The following SRPK2 variants were observed in gnomAD, a reference collection of about 807,000 sequenced individuals.
SRPK2 encodes SRSF protein kinase 2, also known as SFRS protein kinase 2.
SRPK2 carries 21 observed loss-of-function variants against 90.8 expected under a neutral mutation model. The observed-to-expected ratio is 0.23, with a 90% confidence interval of 0.16 to 0.33. The LOEUF (loss-of-function observed/expected upper bound fraction) is 0.33, where lower values mean the gene tolerates loss of function less well. SRPK2 is among the 10% of genes least tolerant of loss of function. The pLI, the probability that SRPK2 is intolerant of heterozygous loss-of-function variation, is 1.00. For missense variants in SRPK2, 620 were observed against 869.0 expected (o/e 0.71, Z 3.60); for synonymous variants, 288 against 311.1 (o/e 0.93, Z 0.78).
At chr7:105,181,880 G>GAAAAAAAA (rs1792867776) in intron 3 of SRPK2, among the ~76,000 whole-genome samples, 1 of 67,526 alleles carries the variant, frequency 1.5e-5, no homozygotes, top group Non-Finnish European at 3.7e-5. Flanking sequence ...TAAGATAAAA[G>GAAAAAAAA]TAAAAAAAAA....
At chr7:105,380,302 C>T (rs1745378672) in intron 2 of SRPK2, among the ~76,000 whole-genome samples, 1 of 151,710 alleles carries the variant, frequency 6.6e-6, no homozygotes, top group Non-Finnish European at 1.5e-5. Context: ...CAGCTAATTT[C>T]TGTATTTTTA....
intron 2 of SRPK2, chr7:105,306,673 A>G (rs956265645): frequency 2.9e-6 from 1 of 345,470 alleles, no homozygotes; most frequent in African/African-American, 2.2e-5. Flanking sequence ...TTTAACCGAA[A>G]CACTCATTTA....
intron 2 of SRPK2, among the ~76,000 whole-genome samples, chr7:105,293,152 G>A (rs1196977406): frequency 6.6e-6 from 1 of 152,004 alleles, no homozygotes; most frequent in African/African-American, 2.4e-5. Flanking sequence ...ACAAAAATTG[G>A]CCGGGCATGG....
chr7:105,320,087 T>C (rs1812776527), intron 2 of SRPK2, among the ~76,000 whole-genome samples: 1 of 152,198 alleles, frequency 6.6e-6, no homozygotes, highest in Non-Finnish European at 1.5e-5. Context: ...CTTCACACAG[T>C]TACATTTTCT....
At chr7:105,368,627 G>A (rs1407820640) in intron 2 of SRPK2, among the ~76,000 whole-genome samples, 1 of 152,162 alleles carries the variant, frequency 6.6e-6, no homozygotes, top group Non-Finnish European at 1.5e-5. Flanking sequence ...GCTCAAGCCT[G>A]TAATCCCAGC....
rs367802888 is a variant in SRPK2 at position 105,229,659 on chromosome 7, T to A, written c.72-25874A>T. Among the ~76,000 whole-genome samples the A allele has an allele frequency of 8.5e-5, 13 of 152,290 alleles. No individual in the cohort carries two copies. The East Asian group carries it at 2.5e-3, about 29-fold the overall frequency. ...CTAGAGTCAGGTTACAGGACTATCA[T>A]AGAGTAGGAATAAGTCTTGGTTAGA... On this transcript the variant is annotated intron_variant, in intron 2 of 15. Coordinates refer to ENST00000393651, the MANE Select transcript of SRPK2 (RefSeq NM_182692.3).
rs1456563246 is a variant in SRPK2, at chr7:105,171,692, T to C, written c.230-2427A>G. 2.0e-5 allele frequency among the ~76,000 whole-genome samples: 3 copies of C among 152,236 alleles called. No individual in the cohort carries two copies. In the East Asian group the frequency reaches 5.8e-4, roughly 29 times the overall value. On this transcript the variant is annotated intron_variant, in intron 3 of 15. Coordinates refer to ENST00000393651, the MANE Select transcript of SRPK2 (RefSeq NM_182692.3). ...CCAGATACTGAGTTCGTGAGATTCT[T>C]ACCCTTCTACTGCCTCTGCACTTGC... is the stretch of plus-strand genomic sequence containing the variant.
chr7:105,378,371 A>C (rs1304146754), intron 2 of SRPK2, among the ~76,000 whole-genome samples: 1 of 152,214 alleles, frequency 6.6e-6, no homozygotes, highest in Non-Finnish European at 1.5e-5. Context: ...ATAAATCAGT[A>C]AGAAAAACTT....
intron 2 of SRPK2, among the ~76,000 whole-genome samples, chr7:105,320,192 C>T (rs1812787751): frequency 6.6e-6 from 1 of 152,136 alleles, no homozygotes; most frequent in Non-Finnish European, 1.5e-5. Flanking sequence ...GACACATACA[C>T]ACATTCTGTT....
chr7:105,323,967 T>TTGTG (rs58288208), intron 2 of SRPK2, among the ~76,000 whole-genome samples: 8,383 of 133,532 alleles, frequency 0.063, 270 homozygotes, highest in Non-Finnish European at 0.071. Context: ...AGACTATTCT[T>TTGTG]TGTGTGTGTG....
intron 2 of SRPK2, among the ~76,000 whole-genome samples, chr7:105,267,016 T>C (rs1040863611): frequency 6.6e-6 from 1 of 152,150 alleles, no homozygotes; most frequent in African/African-American, 2.4e-5. Context: ...ATAATGGCCA[T>C]GAAATAATAA....
Position 105,350,352 on chromosome 7 carries a change from G to T in SRPK2, c.71+38296C>A, listed in dbSNP as rs557482861. On this transcript the variant is annotated intron_variant, in intron 2 of 15. Transcript: ENST00000393651. ...TCACCATGTTGGCCAGGATGTTCTC[G>T]ATCTCCTGAACTCGCATCCACCCAC... Among the ~76,000 whole-genome samples the T allele has an allele frequency of 2.2e-3, 337 of 150,304 alleles. 3 individuals are homozygous for T. The highest frequency in any genetic ancestry group is 3.4e-3 in the Non-Finnish European group (233 of 67,630).
intron 2 of SRPK2, among the ~76,000 whole-genome samples, chr7:105,369,251 A>G (rs535414382): frequency 1.3e-5 from 2 of 151,992 alleles, no homozygotes; most frequent in East Asian, 3.9e-4. Flanking sequence ...GGTTCAAGCA[A>G]TTCTCCTGCC....
In SRPK2 at chr7:105,127,051, C is replaced by T. The variant is rs1207016678; in HGVS notation, c.1764G>A (p.Leu588=). 6.2e-7 allele frequency: 1 copy of T among 1,614,130 alleles called. No homozygotes were observed. The highest frequency in any genetic ancestry group is 1.3e-5 in the African/African-American group (1 of 75,016). Residue 588 remains leucine, a synonymous_variant, in exon 14 of 16, where the codon CTG becomes CTA. Coordinates refer to ENST00000393651, the MANE Select transcript of SRPK2 (RefSeq NM_182692.3). The part of the protein sequence containing the change: ...IWSTACMAFE[L]ATGDYLFEPH... The stretch of plus-strand genomic sequence containing the variant: ...GTTCAAACAAATAATCTCCCGTTGC[C>T]AGCTCAAATGCCTAGGATACAACAG...
At chr7:105,324,899 A>C (rs1354030125) in intron 2 of SRPK2, among the ~76,000 whole-genome samples, 1 of 152,188 alleles carries the variant, frequency 6.6e-6, no homozygotes, top group Non-Finnish European at 1.5e-5. Flanking sequence ...AATAAAAATT[A>C]AAATTAAAAA....
chr7:105,131,632 A>T (rs566832007), intron 13 of SRPK2, among the ~76,000 whole-genome samples: 59 of 152,312 alleles, frequency 3.9e-4, no homozygotes, highest in African/African-American at 1.4e-3. Context: ...TTCTCCTATC[A>T]GCTGGCACTA....
At chr7:105,312,210 G>A (rs144082901) in intron 2 of SRPK2, among the ~76,000 whole-genome samples, 5,704 of 152,312 alleles carry the variant, frequency 0.037, 147 homozygotes, top group Non-Finnish European at 0.056. Context: ...GGGAGGCCAA[G>A]GTGGGGGGAT....
chr7:105,255,171 G>C (rs1316326419), intron 2 of SRPK2, among the ~76,000 whole-genome samples: 4 of 97,274 alleles, frequency 4.1e-5, no homozygotes, highest in Admixed American at 1.1e-4. Context: ...AATTAAGTTA[G>C]AGGAAAAGGT....
chr7:105,275,735 G>A (rs1806399053), intron 2 of SRPK2, among the ~76,000 whole-genome samples: 1 of 152,084 alleles, frequency 6.6e-6, no homozygotes, highest in East Asian at 1.9e-4. Flanking sequence ...ATGGGGTGGT[G>A]CTTCAAAGAT....
Sources: gnomAD v4.1 joint callset for allele counts (sites outside exome capture counted in the v4.1 genomes callset) on GRCh38, gnomAD v4.1.1 for gene constraint, MANE v1.5 for transcripts, NCBI Gene and HGNC (gene_info 2026-07-23, HGNC 2026-07-21) for gene names.